Variants in OFD1 observed in about 807,000 individuals in gnomAD.
OFD1 encodes the protein centriole and centriolar satellite protein OFD1.
In OFD1, 12 loss-of-function variants were observed where a neutral mutation model predicts 81.4. That is an observed-to-expected ratio of 0.15 (90% CI 0.09 to 0.24). The LOEUF is 0.24. Ranked by LOEUF, OFD1 falls within the 10% of genes least tolerant of loss-of-function variation. OFD1 has a pLI of 1.00. For missense variants in OFD1, 685 were observed against 733.9 expected, an observed-to-expected ratio of 0.93 and a Z score of 0.77; for synonymous variants, 256 against 263.7, an observed-to-expected ratio of 0.97 and a Z score of 0.28.
chrX:13,754,472 A>T (rs1214648059), intron 11 of OFD1, among the ~76,000 whole-genome samples: 2 of 104,993 alleles, frequency 1.9e-5, no homozygotes, highest in Non-Finnish European at 3.9e-5. Context: ...GCTGGAGTAC[A>T]GTGGCACAAT....
In OFD1 at chrX:13,769,330, A is replaced by T. The variant is rs1457716059; in HGVS notation, c.*222A>T. 1 of 392,766 alleles carries T rather than the reference A, an allele frequency of 2.5e-6. No homozygotes were observed. The highest frequency in any genetic ancestry group is 2.6e-5 in the African/African-American group (1 of 39,137). 32.4% of individuals were successfully genotyped at this position (392,766 alleles called of 1,213,427 possible). ...CCAGTCATAGTATTTCTCATTCATT[A>T]TAATAAAAGTAACTGGCTTTTAACC... is the stretch of plus-strand genomic sequence containing the variant. On this transcript the variant is annotated 3_prime_UTR_variant, in exon 23 of 23. Coordinates refer to ENST00000340096, the MANE Select transcript of OFD1 (RefSeq NM_003611.3).
intron 3 of OFD1, among the ~76,000 whole-genome samples, chrX:13,737,251 T>TG (rs997674415): frequency 2.9e-5 from 3 of 104,974 alleles, no homozygotes; most frequent in African/African-American, 1.1e-4. Flanking sequence ...TAAAAACACT[T>TG]GTTTTTTTTT....
chrX:13,739,768 A>T (rs2047017955), intron 5 of OFD1: 6 of 721,501 alleles, frequency 8.3e-6, no homozygotes, highest in Non-Finnish European at 9.8e-6. Flanking sequence ...AAAAATGTTT[A>T]TATAGACCTA....
chrX:13,752,857 CTGTGAAAA>C (rs920124032), intron 10 of OFD1: 1 of 959,330 alleles, frequency 1.0e-6, no homozygotes, highest in Non-Finnish European at 1.3e-6. Context: ...GGAAGTGAAA[CTGTGAAAA>C]TGTGCCTTTT....
the OFD1 span, among the ~76,000 whole-genome samples, chrX:13,728,151 A>G: frequency 8.9e-6 from 1 of 112,081 alleles, no homozygotes; most frequent in South Asian, 3.6e-4. Context: ...ATGGATTCAC[A>G]TCCGAATTCT....
chrX:13,749,326 G>A (rs930824077), intron 8 of OFD1, 101 bp from the exon 9 acceptor site: 4 of 525,668 alleles, frequency 7.6e-6, no homozygotes, highest in Non-Finnish European at 1.0e-5. Context: ...TATCCTAAAT[G>A]TCTGTACTTT....
chrX:13,754,841 A>G (rs1006266134), intron 11 of OFD1, among the ~76,000 whole-genome samples: 3 of 113,128 alleles, frequency 2.7e-5, no homozygotes, highest in Middle Eastern at 4.6e-3. Flanking sequence ...TAGTAACTAC[A>G]ATATAGTAAC....
the OFD1 span, chrX:13,721,440 C>T: frequency 8.9e-6 from 1 of 111,920 alleles, no homozygotes; most frequent in South Asian, 3.7e-4. Context: ...CATGGGAGAC[C>T]GTATGCACAC....
At chrX:13,767,022 C>A in intron 19 of OFD1, 105 bp from the exon 20 acceptor site, 1 of 795,373 alleles carries the variant, frequency 1.3e-6, no homozygotes, top group Non-Finnish European at 1.9e-6. Flanking sequence ...AACTAAAAGC[C>A]AAGCAGAGTC....
chrX:13,722,999 C>G, the OFD1 span, among the ~76,000 whole-genome samples: 1 of 108,027 alleles, frequency 9.3e-6, no homozygotes, highest in Non-Finnish European at 1.9e-5. Context: ...GGAGGCGGAG[C>G]CAGAAGAATG....
upstream of OFD1, among the ~76,000 whole-genome samples, chrX:13,733,266 G>A (rs1001700813): frequency 3.6e-5 from 4 of 111,229 alleles, no homozygotes; most frequent in Non-Finnish European, 5.7e-5. Flanking sequence ...TCAGCTACAG[G>A]ATCATGTACT....
At position 13,767,206 on chromosome X, in the gene OFD1, A is replaced by C. The variant is rs1488192163; in HGVS notation, c.2679A>C (p.Arg893Ser). The change falls in exon 20 of 23, where the codon AGA becomes AGC. Residue 893 changes from arginine (R) to serine (S), a missense_variant. Arg to Ser is a moderately radical substitution (Grantham distance 110). Around this residue, in one of 3 missense-constraint regions of OFD1, gnomAD observed 259 missense variants for 254.4 expected, o/e 1.02. Transcript: ENST00000340096. ...AGCAAGTGAAAGAACGAAGGCAGAG[A>C]GAAGAAAGAAGGCAGAGTAACCTAC... ...REQQVKERRQ[R>S]EERRQSNLQE... is the part of the protein sequence containing the mutation. 1 of 1,209,477 alleles carries C rather than the reference A, an allele frequency of 8.3e-7. No homozygotes were observed. The highest frequency in any genetic ancestry group is 1.1e-6 in the Non-Finnish European group (1 of 893,074).
chrX:13,717,771 C>T, the OFD1 span, among the ~76,000 whole-genome samples: 1 of 111,640 alleles, frequency 9.0e-6, no homozygotes, highest in Non-Finnish European at 1.9e-5. Context: ...CAAAGAATAC[C>T]TGTTATGGGT....
In OFD1 at chrX:13,762,419, TGAG is replaced by T. The variant is rs771984968; in HGVS notation, c.2467_2469del (p.Glu823del). Reference sequence around the variant, plus strand: ...TGGACAAGCTAGCTTTTAAGGATAATGAGGAGTTTGAATCATCTTTTGAATGTA... The same window carrying T: ...TGGACAAGCTAGCTTTTAAGGATAATGAGTTTGAATCATCTTTTGAATGTA... On this transcript the variant is annotated inframe_deletion, in exon 18 of 23. Coordinates refer to ENST00000340096, the MANE Select transcript of OFD1 (RefSeq NM_003611.3). The T allele has an allele frequency of 8.5e-6, 10 of 1,174,435 alleles. No individual in the cohort carries two copies. The South Asian group carries it at 1.3e-4, about 15-fold the overall frequency.
chrX:13,716,675 C>T, the OFD1 span: 3 of 1,209,801 alleles, frequency 2.5e-6, no homozygotes, highest in South Asian at 1.8e-5. Flanking sequence ...TGACGATGGT[C>T]GTCCTAGATG....
At chrX:13,719,279 G>A in the OFD1 span, among the ~76,000 whole-genome samples, 2 of 110,772 alleles carry the variant, frequency 1.8e-5, no homozygotes, top group African/African-American at 6.6e-5. Flanking sequence ...GGGTCTGAAT[G>A]GCAATATGTC....
the OFD1 span, among the ~76,000 whole-genome samples, chrX:13,724,151 A>G: frequency 1.8e-5 from 2 of 111,029 alleles, no homozygotes; most frequent in African/African-American, 6.5e-5. Flanking sequence ...CAGAACTCTC[A>G]CTTGTGGTGG....
At chrX:13,723,027 G>A in the OFD1 span, among the ~76,000 whole-genome samples, 25 of 107,017 alleles carry the variant, frequency 2.3e-4, 1 homozygote, top group African/African-American at 6.5e-4. Flanking sequence ...CCCGGGAGGC[G>A]GAGCTTGCAG....
intron 7 of OFD1, 132 bp from the exon 8 acceptor site, chrX:13,746,648 G>C (rs1472684541): frequency 1.3e-5 from 9 of 668,805 alleles, no homozygotes; most frequent in Non-Finnish European, 1.8e-5. Flanking sequence ...TAGAGTGAAT[G>C]AGATAAAACT....
Sources: gnomAD v4.1 joint callset for allele counts (sites outside exome capture counted in the v4.1 genomes callset) on GRCh38, gnomAD v4.1.1 for gene constraint, gnomAD v4.1.1 regional missense constraint, MANE v1.5 for transcripts, NCBI Gene and HGNC (gene_info 2026-07-23, HGNC 2026-07-21) for gene names.